The following SLC12A5 variants were observed in gnomAD, a reference collection of about 807,000 sequenced individuals.
SLC12A5 encodes the protein K-Cl cotransporter 2.
A neutral mutation model predicts 124.0 loss-of-function variants in SLC12A5; 18 were observed. That is an observed-to-expected ratio of 0.15 (90% confidence interval 0.10 to 0.22). The LOEUF is 0.22. Among genes scored for constraint, SLC12A5 ranks in the 10% least tolerant of loss-of-function variants. The pLI, the probability that SLC12A5 is intolerant of heterozygous loss-of-function variation, is 1.00. For missense variants in SLC12A5, 867 were observed against 1,478.7 expected, an observed-to-expected ratio of 0.59 and a Z score of 6.78; for synonymous variants, 589 against 568.0, an observed-to-expected ratio of 1.04 and a Z score of -0.53.
chr20:46,029,071 C>T (rs1048672360), upstream of SLC12A5: 1 of 1,247,576 alleles, frequency 8.0e-7, no homozygotes, highest in Non-Finnish European at 1.0e-6. Context: ...CTTCTCTCTC[C>T]CTCCCGCTCT....
At chr20:46,021,810 C>G (rs2084357131), upstream of SLC12A5, 1 of 1,534,442 alleles carries the variant, frequency 6.5e-7, no homozygotes, top group East Asian at 2.5e-5. Context: ...CCGCAGGGCC[C>G]GCCAGAAGCC....
At chr20:46,030,656 T>C (rs2084441308) in intron 1 of SLC12A5, among the ~76,000 whole-genome samples, 1 of 152,220 alleles carries the variant, frequency 6.6e-6, no homozygotes, top group Non-Finnish European at 1.5e-5. Context: ...CAGATCCCTC[T>C]GGCGGATGGC....
intron 16 of SLC12A5, among the ~76,000 whole-genome samples, chr20:46,048,451 C>T (rs77624284): frequency 0.017 from 2,592 of 152,314 alleles, 40 homozygotes; most frequent in Non-Finnish European, 0.028. Context: ...AGAAGACACA[C>T]ATGGGGACAG....
upstream of SLC12A5, among the ~76,000 whole-genome samples, chr20:46,028,154 G>A (rs1047767025): frequency 3.3e-5 from 5 of 152,156 alleles, no homozygotes; most frequent in Admixed American, 6.5e-5. Context: ...AAGGGAAGAG[G>A]GGAGGAGGAC....
rs1461576592 is a variant in SLC12A5, at chr20:46,053,172, A to G, written c.2547+46A>G. The G allele has an allele frequency of 1.9e-6, 3 of 1,575,672 alleles. No individual in the cohort carries two copies. The highest frequency in any genetic ancestry group is 2.3e-5 in the East Asian group (1 of 44,020). ...TATGCACGTGTGAGTGTGTGTATGC[A>G]TGTATGCATTTGTGTGCATATGTGC... On this transcript the variant is annotated intron_variant, in intron 19 of 25. Transcript: ENST00000243964. The surrounding 1 kb of genome is among the most constrained non-coding windows in gnomAD (Gnocchi z 4.7).
intron 1 of SLC12A5, among the ~76,000 whole-genome samples, chr20:46,034,641 C>T (rs548484292): frequency 4.3e-4 from 65 of 152,094 alleles, no homozygotes; most frequent in East Asian, 1.9e-4. Flanking sequence ...CCCCAAACAC[C>T]GGTATGAGCC....
upstream of SLC12A5, among the ~76,000 whole-genome samples, chr20:46,024,392 G>A (rs953343441): frequency 4.6e-5 from 7 of 152,186 alleles, no homozygotes; most frequent in African/African-American, 1.7e-4. Context: ...GCCTGAAGCA[G>A]TCTCAAGCAC....
Position 46,029,269 on chromosome 20 carries a change from G to A in SLC12A5, c.-76G>A. On this transcript the variant is annotated 5_prime_UTR_variant, in exon 1 of 26. Transcript: ENST00000243964. ...AGCGAGACAGAGCTACAGCGAACGAGAGAGCGGCGAAGGCGGGTAGAGGGG... is the reference window on the plus strand; with the variant it reads ...AGCGAGACAGAGCTACAGCGAACGAAAGAGCGGCGAAGGCGGGTAGAGGGG... 9 of 1,503,404 alleles carry A rather than the reference G, an allele frequency of 6.0e-6. No homozygotes were observed. The highest frequency in any genetic ancestry group is 6.2e-6 in the Non-Finnish European group (7 of 1,126,678). 93.1% of individuals were successfully genotyped at this position (1,503,404 alleles called of 1,614,324 possible). A position where few individuals can be genotyped will look rare whatever the true frequency, so the allele number is the denominator to read the frequency against.
Position 46,053,161 on chromosome 20 carries a change from T to C in SLC12A5, c.2547+35T>C. ...GTGCGTGAGTGTATGCACGTGTGAGTGTGTGTATGCATGTATGCATTTGTG... is the reference window on the plus strand; with the variant it reads ...GTGCGTGAGTGTATGCACGTGTGAGCGTGTGTATGCATGTATGCATTTGTG... On this transcript the variant is annotated intron_variant, in intron 19 of 25. Transcript: ENST00000243964. This position sits in a 1 kb window ranked among gnomAD's most constrained non-coding sequence, Gnocchi z 4.7. 2 of 1,589,650 alleles carry C rather than the reference T, an allele frequency of 1.3e-6. No individual in the cohort carries two copies.
At chr20:46,041,756 A>T (rs1460934122) in intron 8 of SLC12A5, among the ~76,000 whole-genome samples, 2 of 152,246 alleles carry the variant, frequency 1.3e-5, no homozygotes, top group East Asian at 3.8e-4. Context: ...TCATCAACGT[A>T]ACAGGTGGTC....
intron 16 of SLC12A5, among the ~76,000 whole-genome samples, chr20:46,049,303 T>A (rs1251140485): frequency 6.6e-6 from 1 of 152,104 alleles, no homozygotes; most frequent in Non-Finnish European, 1.5e-5. Context: ...CATGAATCGA[T>A]GGATGTAGGA....
At chr20:46,034,540 C>T (rs949228858) in intron 1 of SLC12A5, among the ~76,000 whole-genome samples, 1 of 152,274 alleles carries the variant, frequency 6.6e-6, no homozygotes, top group South Asian at 2.1e-4. Flanking sequence ...CAGAGGGGGT[C>T]ACTTCTTCAA....
At position 46,058,089 on chromosome 20, in the gene SLC12A5, A is replaced by T. The variant is rs1317246954; in HGVS notation, c.*484A>T. On this transcript the variant is annotated 3_prime_UTR_variant, in exon 26 of 26. Coordinates refer to ENST00000243964, the MANE Select transcript of SLC12A5 (RefSeq NM_020708.5). The surrounding 1 kb of genome is among the most constrained non-coding windows in gnomAD (Gnocchi z 5.8). The stretch of plus-strand genomic sequence containing the variant: ...CCGTCTCCGCCGCCCCTTCTCGCCG[A>T]GCCGTGGGGCGCGGGCGGCCGAGCC... The T allele has an allele frequency of 5.6e-6, 1 of 177,956 alleles. No individual in the cohort carries two copies. The highest frequency in any genetic ancestry group is 1.2e-5 in the Non-Finnish European group (1 of 86,246). The allele number at this position is 177,956 out of a possible 1,614,324, so 11.0% of individuals were successfully genotyped here.
intron 6 of SLC12A5, among the ~76,000 whole-genome samples, chr20:46,038,783 G>T (rs1200589613): frequency 1.3e-5 from 2 of 152,130 alleles, no homozygotes; most frequent in Non-Finnish European, 2.9e-5. Flanking sequence ...CCTACTTCTT[G>T]ATACATTTAC....
In SLC12A5 at chr20:46,040,507, C is replaced by G. The variant is rs372753758; in HGVS notation, c.747C>G (p.Val249=). 1.9e-6 allele frequency: 3 copies of G among 1,614,106 alleles called. No homozygotes were observed. Among genetic ancestry groups the G allele is most frequent in the Non-Finnish European group, 2.5e-6 (3 of 1,180,054 alleles). ...TGGCCACTGTGGTGTTTGTGGGTGT[C>G]AAGTATGTCAACAAGTTTGCCCTTG... ...TCMATVVFVG[V]KYVNKFALVF... The change falls in exon 7 of 26, where the codon GTC becomes GTG. Residue 249 remains valine (V), a synonymous_variant. Coordinates refer to ENST00000243964, the MANE Select transcript of SLC12A5 (RefSeq NM_020708.5).
chr20:46,045,682 C>G lies in SLC12A5; in HGVS notation c.1570-196C>G, dbSNP rs937423697. 1.6e-4 allele frequency among the ~76,000 whole-genome samples: 24 copies of G among 152,254 alleles called. No individual in the cohort carries two copies. The highest frequency in any genetic ancestry group is 3.2e-4 in the Non-Finnish European group (22 of 68,006). ...ATTTGAACTTCATGGCACTGGGGTG[C>G]CGATCTCAGGGTGGGCAAGATGCAG... On this transcript the variant is annotated intron_variant, in intron 12 of 25. Coordinates refer to ENST00000243964, the MANE Select transcript of SLC12A5 (RefSeq NM_020708.5). This position sits in a 1 kb window ranked among gnomAD's most constrained non-coding sequence, Gnocchi z 4.9.
rs1250510493 is a variant in SLC12A5, at chr20:46,037,430, CAGTT to C, written c.612+47_612+50del. 7 of 1,568,700 alleles carry C rather than the reference CAGTT, an allele frequency of 4.5e-6. No individual in the cohort carries two copies. In the African/African-American group the frequency reaches 5.4e-5, roughly 12 times the overall value. On this transcript the variant is annotated intron_variant, in intron 6 of 25. Transcript: ENST00000243964. The stretch of plus-strand genomic sequence containing the variant: ...AGGTGTGGAACCCCAGGTTGTCAGT[CAGTT>C]AATCAGTGCTCCCTGGACACCTCCT...
intron 17 of SLC12A5, among the ~76,000 whole-genome samples, chr20:46,050,584 G>T (rs560090121): frequency 6.6e-6 from 1 of 152,204 alleles, no homozygotes; most frequent in African/African-American, 2.4e-5. Flanking sequence ...TGCGACAGTC[G>T]CTGCTTCTGC....
chr20:46,044,907 C>A (rs2297197), intron 11 of SLC12A5, 59 bp from the exon 12 acceptor site: 11 of 1,604,550 alleles, frequency 6.9e-6, no homozygotes, highest in East Asian at 2.2e-5. Flanking sequence ...GTATGGAGAC[C>A]TGCCCTGGAA....
Sources: allele counts gnomAD v4.1 joint callset (sites outside exome capture counted in the v4.1 genomes callset), GRCh38; gene constraint gnomAD v4.1.1; non-coding constraint Gnocchi (gnomAD v3.1); transcripts MANE v1.5; gene names NCBI Gene and HGNC (gene_info 2026-07-23, HGNC 2026-07-21).